Variants in RITA1 observed in about 807,000 individuals in gnomAD.
RITA1 encodes the protein RBPJ interacting and tubulin associated 1.
In RITA1, 15 loss-of-function variants were observed where a neutral mutation model predicts 8.7. That is an observed-to-expected ratio of 1.72 (90% CI 1.15 to 2.65). The LOEUF (loss-of-function observed/expected upper bound fraction) is 2.65. RITA1 is among the 30% of genes most tolerant of loss of function. The pLI, the probability that RITA1 is intolerant of heterozygous loss-of-function variation, is 0.00. For missense variants in RITA1, 330 were observed against 363.8 expected (o/e 0.91, Z 0.76); for synonymous variants, 145 against 156.2 (o/e 0.93, Z 0.53).
chr12:113,188,386 T>C (rs1188220768), intron 3 of RITA1, among the ~76,000 whole-genome samples: 3 of 151,918 alleles, frequency 2.0e-5, no homozygotes, highest in Non-Finnish European at 4.4e-5. Context: ...ATTTTGTATT[T>C]TTAGTAGAGA....
rs577542529 is a variant in RITA1 at position 113,191,335 on chromosome 12, T to C, written c.328T>C (p.Cys110Arg). ...YRPISHTPSY[C>R]DESLFGSRSE... ...ACCCATCAGCCACACCCCGTCTTAC[T>C]GTGATGAGTCGCTGTTTGGCTCCCG... Residue 110 changes from cysteine to arginine, a missense_variant, in exon 4 of 4, where the codon TGT becomes CGT. By Grantham distance (180) the Cys-to-Arg change is radical (BLOSUM62 -3). Transcript: ENST00000548278. This position sits in a 1 kb window ranked among gnomAD's most constrained non-coding sequence, Gnocchi z 4.0. 34 of 1,555,146 alleles carry C rather than the reference T, an allele frequency of 2.2e-5. No homozygotes were observed. The South Asian group carries it at 3.6e-4, about 17-fold the overall frequency.
chr12:113,186,093 A>T, intron 1 of RITA1, 72 bp downstream of exon 1: 3 of 1,533,036 alleles, frequency 2.0e-6, no homozygotes, highest in Non-Finnish European at 2.6e-6. Context: ...GGAGTCGCAG[A>T]ATGTGGGGCG....
At chr12:113,187,994 G>A (rs577154911) in intron 3 of RITA1, among the ~76,000 whole-genome samples, 2 of 152,122 alleles carry the variant, frequency 1.3e-5, no homozygotes, top group African/African-American at 2.4e-5. Context: ...GATTAGCACA[G>A]TAGTTGGCTA....
chr12:113,187,631 G>A (rs559744262), intron 3 of RITA1, among the ~76,000 whole-genome samples: 20 of 151,634 alleles, frequency 1.3e-4, no homozygotes, highest in Non-Finnish European at 2.2e-4. Flanking sequence ...GGTGGTGTGC[G>A]CCTGTACTCC....
chr12:113,189,732 T>TAAAA (rs34117781), intron 3 of RITA1, among the ~76,000 whole-genome samples: 7 of 76,862 alleles, frequency 9.1e-5, no homozygotes, highest in Admixed American at 1.5e-4. Flanking sequence ...ATCTGTTGAA[T>TAAAA]AAAAAAAAAA....
chr12:113,187,201 A>G, intron 3 of RITA1, 153 bp downstream of exon 3: 1 of 756,428 alleles, frequency 1.3e-6, no homozygotes, highest in Non-Finnish European at 2.1e-6. Flanking sequence ...AATTATTCCT[A>G]CCTAGGGGGA....
In RITA1 at chr12:113,186,978, G is replaced by A. The variant is rs1479015941; in HGVS notation, c.232G>A (p.Gly78Arg). 2 of 1,613,124 alleles carry A rather than the reference G, an allele frequency of 1.2e-6. No homozygotes were observed. Among genetic ancestry groups the A allele is most frequent in the Admixed American group, 1.7e-5 (1 of 59,868 alleles). Residue 78 changes from glycine (G) to arginine (R), a missense_variant, in exon 3 of 4, where the codon GGG becomes AGG. Transcript: ENST00000548278. ...GGCATCGAAGGCCTTGGGGGCAAAGGGGAGCTGTGAGACCACCCCCTCAAG... is the reference window on the plus strand; with the variant it reads ...GGCATCGAAGGCCTTGGGGGCAAAGAGGAGCTGTGAGACCACCCCCTCAAG... The part of the protein sequence containing the change: ...KEASKALGAK[G>R]SCETTPSRGS...
intron 3 of RITA1, among the ~76,000 whole-genome samples, chr12:113,190,490 A>C (rs1237370143): frequency 6.6e-6 from 1 of 152,074 alleles, no homozygotes; most frequent in African/African-American, 2.4e-5. Context: ...AAAATCAAAA[A>C]CAAAAAAATT....
In RITA1 at chr12:113,185,860, T is replaced by C. The variant is rs1952529678; in HGVS notation, c.-358T>C. ...CGCGGTGCCCCGGGACGGCCTAGGC[T>C]GCCGGGGGTCCGGGGCCCCAGGCAT... is the stretch of plus-strand genomic sequence containing the variant. On this transcript the variant is annotated 5_prime_UTR_variant, in exon 1 of 4. Coordinates refer to ENST00000548278, the MANE Select transcript of RITA1 (RefSeq NM_032848.3). The C allele has an allele frequency of 9.4e-6, 10 of 1,062,224 alleles. No individual in the cohort carries two copies. The highest frequency in any genetic ancestry group is 1.3e-5 in the Non-Finnish European group (10 of 748,496). The allele number at this position is 1,062,224 out of a possible 1,614,324, so 65.8% of individuals were successfully genotyped here. A position where few individuals can be genotyped will look rare whatever the true frequency, so the allele number is the denominator to read the frequency against.
chr12:113,186,197 G>A lies in RITA1; in HGVS notation c.-184G>A. 1 of 1,330,820 alleles carries A rather than the reference G, an allele frequency of 7.5e-7. No homozygotes were observed. Among genetic ancestry groups the A allele is most frequent in the Non-Finnish European group, 1.0e-6 (1 of 989,112 alleles). The allele number at this position is 1,330,820 out of a possible 1,614,324, so 82.4% of individuals were successfully genotyped here. On this transcript the variant is annotated 5_prime_UTR_variant, in exon 2 of 4. Transcript: ENST00000548278. ...TCCACCGTTTTAGCTTTATAGGTGTGACCTACACATGTGACTTCACCTCAG... is the reference window on the plus strand; with the variant it reads ...TCCACCGTTTTAGCTTTATAGGTGTAACCTACACATGTGACTTCACCTCAG...
chr12:113,186,613 C>A (rs188059456), intron 2 of RITA1, 70 bp from the exon 3 acceptor site: 1 of 1,457,688 alleles, frequency 6.9e-7, no homozygotes, highest in Non-Finnish European at 9.1e-7. Flanking sequence ...ATGAGAACTT[C>A]AGACACTACC....
intron 3 of RITA1, among the ~76,000 whole-genome samples, chr12:113,189,753 A>G (rs1200181309): frequency 6.7e-6 from 1 of 148,814 alleles, no homozygotes; most frequent in Non-Finnish European, 1.5e-5. Context: ...AAAAAAAAAA[A>G]GGCCAGACAG....
At position 113,192,040 on chromosome 12, in the gene RITA1, CCT is replaced by C; in HGVS notation, c.*229_*230del. ...GGATTTGGGGGCCACCTCTAAGATGCCTCTCTCCAGCCCTGTCTCAACCATAC... is the reference window on the plus strand; with the variant it reads ...GGATTTGGGGGCCACCTCTAAGATGCCTCTCCAGCCCTGTCTCAACCATAC... On this transcript the variant is annotated 3_prime_UTR_variant, in exon 4 of 4. Coordinates refer to ENST00000548278, the MANE Select transcript of RITA1 (RefSeq NM_032848.3). 1 of 594,962 alleles carries C rather than the reference CCT, an allele frequency of 1.7e-6. No individual in the cohort carries two copies. The highest frequency in any genetic ancestry group is 2.8e-6 in the Non-Finnish European group (1 of 350,964). The allele number at this position is 594,962 out of a possible 1,614,324, so 36.9% of individuals were successfully genotyped here.
At chr12:113,188,786 CCTTTTTTTTTTTT>C (rs1566105403) in intron 3 of RITA1, among the ~76,000 whole-genome samples, 2 of 64,256 alleles carry the variant, frequency 3.1e-5, no homozygotes, top group Admixed American at 1.9e-4. Flanking sequence ...GCCTTAGTTA[CCTTTTTTTTTTTT>C]TTTTTTTTTT....
At position 113,191,174 on chromosome 12, in the gene RITA1, A is replaced by T; in HGVS notation, c.303-136A>T. ...GCTGTGGCCTCGCTGTAGGTTTCAG[A>T]CTGGGAGACAAGGACTCCTGGGATC... On this transcript the variant is annotated intron_variant, in intron 3 of 3. Coordinates refer to ENST00000548278, the MANE Select transcript of RITA1 (RefSeq NM_032848.3). The surrounding 1 kb of genome is among the most constrained non-coding windows in gnomAD (Gnocchi z 4.0). The T allele has an allele frequency of 8.6e-7, 1 of 1,167,546 alleles. No individual in the cohort carries two copies. The highest frequency in any genetic ancestry group is 1.2e-6 in the Non-Finnish European group (1 of 861,732). 72.3% of individuals were successfully genotyped at this position (1,167,546 alleles called of 1,614,324 possible).
intron 3 of RITA1, among the ~76,000 whole-genome samples, chr12:113,189,679 C>CA (rs1364151245): frequency 2.1e-5 from 3 of 139,688 alleles, no homozygotes; most frequent in Non-Finnish European, 4.6e-5. Flanking sequence ...CAGTCCTGGC[C>CA]AAAAAAACTA....
At position 113,191,773 on chromosome 12, in the gene RITA1, C is replaced by G. The variant is rs150729497; in HGVS notation, c.766C>G (p.Arg256Gly). ...SVSISVPSTPRRGGATQKPKP... is the reference protein window; with the variant it reads ...SVSISVPSTPGRGGATQKPKP... ...TAGCATTTCAGTGCCATCTACCCCA[C>G]GACGAGGTGGGGCCACCCAGAAACC... The change falls in exon 4 of 4, where the codon CGA becomes GGA. Residue 256 changes from arginine (R) to glycine (G), a missense_variant. Physicochemically the swap from Arg to Gly is moderately radical, Grantham distance 125. Coordinates refer to ENST00000548278, the MANE Select transcript of RITA1 (RefSeq NM_032848.3). This position sits in a 1 kb window ranked among gnomAD's most constrained non-coding sequence, Gnocchi z 4.0. The G allele has an allele frequency of 6.2e-7, 1 of 1,611,878 alleles. No homozygotes were observed. The highest frequency in any genetic ancestry group is 8.5e-7 in the Non-Finnish European group (1 of 1,178,934).
chr12:113,185,789 C>A lies in RITA1; in HGVS notation c.-429C>A, dbSNP rs768760649. ...GTTCTGGGTTTCTGGATTCGCGGGC[C>A]GTTCACACGTAGCCTGTGCCGGCTC... On this transcript the variant is annotated 5_prime_UTR_variant, in exon 1 of 4. Coordinates refer to ENST00000548278, the MANE Select transcript of RITA1 (RefSeq NM_032848.3). The A allele has an allele frequency of 8.1e-6, 5 of 614,810 alleles. No homozygotes were observed. The highest frequency in any genetic ancestry group is 6.1e-5 in the South Asian group (3 of 49,156). 38.1% of individuals were successfully genotyped at this position (614,810 alleles called of 1,614,324 possible). A position where few individuals can be genotyped will look rare whatever the true frequency, so the allele number is the denominator to read the frequency against.
At position 113,191,232 on chromosome 12, in the gene RITA1, A is replaced by T; in HGVS notation, c.303-78A>T. On this transcript the variant is annotated intron_variant, in intron 3 of 3. Transcript: ENST00000548278. This position sits in a 1 kb window ranked among gnomAD's most constrained non-coding sequence, Gnocchi z 4.0. ...AACCCTCCTCTGCTGCTGCCATCCCAGGGTGGGTGGGAGAGCTGTTAAAGT... is the reference window on the plus strand; with the variant it reads ...AACCCTCCTCTGCTGCTGCCATCCCTGGGTGGGTGGGAGAGCTGTTAAAGT... 6.8e-7 allele frequency: 1 copy of T among 1,471,802 alleles called. No individual in the cohort carries two copies. The highest frequency in any genetic ancestry group is 9.0e-7 in the Non-Finnish European group (1 of 1,115,960). The allele number at this position is 1,471,802 out of a possible 1,614,324, so 91.2% of individuals were successfully genotyped here.
Sources: allele counts gnomAD v4.1 joint callset (sites outside exome capture counted in the v4.1 genomes callset), GRCh38; gene constraint gnomAD v4.1.1; non-coding constraint Gnocchi (gnomAD v3.1); transcripts MANE v1.5; gene names NCBI Gene and HGNC (gene_info 2026-07-23, HGNC 2026-07-21).